Variants in SLC25A30 observed in about 807,000 individuals in gnomAD.
SLC25A30 encodes the protein solute carrier family 25 member 30.
In SLC25A30, 29 loss-of-function variants were observed where a neutral mutation model predicts 42.7. That is an observed-to-expected ratio of 0.68 (90% confidence interval 0.51 to 0.93). SLC25A30 has a LOEUF of 0.93. SLC25A30 is among the 40% of genes least tolerant of loss of function. SLC25A30 has a pLI of 0.00. For missense variants in SLC25A30, 300 were observed against 359.7 expected (o/e 0.83, Z 1.34); for synonymous variants, 124 against 131.0 (o/e 0.95, Z 0.37).
intron 1 of SLC25A30, among the ~76,000 whole-genome samples, chr13:45,412,615 G>A (rs889436111): frequency 6.6e-6 from 1 of 152,122 alleles, no homozygotes; most frequent in East Asian, 1.9e-4. Flanking sequence ...CAATTAGGGG[G>A]ACATCCATAC....
At chr13:45,402,706 G>C (rs947123424) in intron 5 of SLC25A30, 3 of 906,146 alleles carry the variant, frequency 3.3e-6, no homozygotes, top group Admixed American at 1.2e-4. Flanking sequence ...ATATAGGTGA[G>C]AGAAAAGTTA....
At chr13:45,405,768 T>C (rs1882439044) in intron 4 of SLC25A30, 115 bp downstream of exon 4, 2 of 870,264 alleles carry the variant, frequency 2.3e-6, no homozygotes, top group East Asian at 2.6e-5. Context: ...CCCAGAGTTC[T>C]TGTAGCAGTA....
At chr13:45,398,816 A>G (rs1881627117) in intron 8 of SLC25A30, 124 bp downstream of exon 8, 2 of 1,012,070 alleles carry the variant, frequency 2.0e-6, no homozygotes, top group East Asian at 2.7e-5. Flanking sequence ...GGTCTCACAC[A>G]TGTACATCTC....
chr13:45,394,043 A>C lies in SLC25A30; in HGVS notation c.*1931T>G. The C allele has an allele frequency of 3.0e-6, 3 of 985,346 alleles. No homozygotes were observed. The highest frequency in any genetic ancestry group is 3.6e-6 in the Non-Finnish European group (3 of 829,842). The allele number at this position is 985,346 out of a possible 1,614,324, so 61.0% of individuals were successfully genotyped here. On this transcript the variant is annotated 3_prime_UTR_variant, in exon 10 of 10. Coordinates refer to ENST00000519676, the MANE Select transcript of SLC25A30 (RefSeq NM_001010875.4). ...CAATCTTTAAACTCAAAGAACTCAA[A>C]AGTGAAAGCCTCTCTATAGAAAGTC...
chr13:45,425,579 T>C, the SLC25A30 span, among the ~76,000 whole-genome samples: 2 of 87,800 alleles, frequency 2.3e-5, no homozygotes, highest in South Asian at 2.8e-4. Context: ...TATAAGTATA[T>C]ATATAAATAT....
intron 4 of SLC25A30, among the ~76,000 whole-genome samples, chr13:45,404,814 T>G (rs1489067375): frequency 6.6e-6 from 1 of 152,076 alleles, no homozygotes; most frequent in Non-Finnish European, 1.5e-5. Context: ...CAAGACGCCA[T>G]CTCAAAAAAA....
the SLC25A30 span, among the ~76,000 whole-genome samples, chr13:45,424,528 T>C: frequency 1.3e-5 from 1 of 76,016 alleles, no homozygotes; most frequent in Non-Finnish European, 2.3e-5. Flanking sequence ...TATATAAAAA[T>C]ATATATAAAT....
the SLC25A30 span, among the ~76,000 whole-genome samples, chr13:45,423,751 T>TATATATAAATATATATAA: frequency 8.3e-4 from 11 of 13,282 alleles, no homozygotes; most frequent in African/African-American, 2.5e-3. Context: ...AATATATAAA[T>TATATATAAATATATATAA]ATATATAAAT....
the SLC25A30 span, among the ~76,000 whole-genome samples, chr13:45,424,547 A>G: frequency 2.5e-5 from 2 of 80,878 alleles, no homozygotes; most frequent in South Asian, 4.1e-4. Flanking sequence ...ATATATAAAT[A>G]TATAAATATA....
intron 1 of SLC25A30, 73 bp from the exon 2 acceptor site, chr13:45,411,553 T>A: frequency 1.0e-6 from 1 of 958,702 alleles, no homozygotes; most frequent in Non-Finnish European, 1.6e-6. Context: ...ACTCTTCCCC[T>A]AGGTTTTATT....
intron 1 of SLC25A30, among the ~76,000 whole-genome samples, chr13:45,416,487 G>C (rs1415806239): frequency 1.3e-5 from 2 of 151,928 alleles, no homozygotes; most frequent in African/African-American, 2.4e-5. Flanking sequence ...AAAAATGTTA[G>C]CTGGGCTAGT....
upstream of SLC25A30, chr13:45,418,695 AACCTTCTC>A (rs1451098790): frequency 2.6e-5 from 4 of 152,258 alleles, no homozygotes; most frequent in East Asian, 7.7e-4. Flanking sequence ...CGCAGGGGGC[AACCTTCTC>A]ACGGTGCCCC....
At chr13:45,425,326 A>G in the SLC25A30 span, among the ~76,000 whole-genome samples, 1 of 108,674 alleles carries the variant, frequency 9.2e-6, no homozygotes, top group Non-Finnish European at 1.7e-5. Flanking sequence ...ATGTATATGT[A>G]ACTATATATA....
At chr13:45,425,117 T>G in the SLC25A30 span, among the ~76,000 whole-genome samples, 1 of 59,558 alleles carries the variant, frequency 1.7e-5, no homozygotes, top group Admixed American at 2.7e-4. Context: ...TAAATATATT[T>G]ATAAATATAT....
upstream of SLC25A30, among the ~76,000 whole-genome samples, chr13:45,422,092 A>G (rs1296095967): frequency 6.6e-6 from 1 of 152,164 alleles, no homozygotes; most frequent in Admixed American, 6.5e-5. Context: ...TTTTACCCAC[A>G]TCATGGTTTT....
In SLC25A30 at chr13:45,395,022, G is replaced by A. The variant is rs964030473; in HGVS notation, c.*952C>T. 1.8e-5 allele frequency: 18 copies of A among 985,268 alleles called. No homozygotes were observed. The African/African-American group carries it at 2.6e-4, about 14-fold the overall frequency. 61.0% of individuals were successfully genotyped at this position (985,268 alleles called of 1,614,324 possible). A position where few individuals can be genotyped will look rare whatever the true frequency, so the allele number is the denominator to read the frequency against. On this transcript the variant is annotated 3_prime_UTR_variant, in exon 10 of 10. Coordinates refer to ENST00000519676, the MANE Select transcript of SLC25A30 (RefSeq NM_001010875.4). ...AAAGGGCTTCATTCACAATTACCAT[G>A]AGAAGCCCATGAGAACATGCCCCTC... is the stretch of plus-strand genomic sequence containing the variant.
chr13:45,432,908 C>G, the SLC25A30 span, among the ~76,000 whole-genome samples: 3 of 151,674 alleles, frequency 2.0e-5, no homozygotes, highest in African/African-American at 7.3e-5. Flanking sequence ...TTATGGCACA[C>G]GCCTGTAGTC....
Position 45,395,558 on chromosome 13 carries a change from A to G in SLC25A30, c.*416T>C, listed in dbSNP as rs1881241721. ...CTCCCAGAAATTCAGAAACCATAAC[A>G]CCTTCTCGGAGGCTCCATTCCATGG... On this transcript the variant is annotated 3_prime_UTR_variant, in exon 10 of 10. Transcript: ENST00000519676. The G allele has an allele frequency of 5.6e-6, 6 of 1,072,264 alleles. No homozygotes were observed. The highest frequency in any genetic ancestry group is 6.8e-6 in the Non-Finnish European group (6 of 881,544). 66.4% of individuals were successfully genotyped at this position (1,072,264 alleles called of 1,614,324 possible).
At chr13:45,423,741 A>AACATATATAAATATATAAAT in the SLC25A30 span, among the ~76,000 whole-genome samples, 7 of 19,640 alleles carry the variant, frequency 3.6e-4, no homozygotes, top group African/African-American at 2.2e-3. Context: ...AATATATATA[A>AACATATATAAATATATAAAT]ATATATAAAT....
Sources: gnomAD v4.1 joint callset for allele counts (sites outside exome capture counted in the v4.1 genomes callset) on GRCh38, gnomAD v4.1.1 for gene constraint, MANE v1.5 for transcripts, NCBI Gene and HGNC (gene_info 2026-07-23, HGNC 2026-07-21) for gene names.